Variants in ATP1A1 observed in about 807,000 individuals in gnomAD.
The protein encoded by ATP1A1 is ATPase Na+/K+ transporting subunit alpha 1, also known as sodium/potassium-transporting ATPase subunit alpha-1.
A neutral mutation model predicts 114.8 loss-of-function variants in ATP1A1; 14 were observed. The observed-to-expected ratio is 0.12, with a 90% CI of 0.08 to 0.19. The LOEUF (loss-of-function observed/expected upper bound fraction) is 0.19. Ranked by LOEUF, ATP1A1 falls within the 10% of genes least tolerant of loss-of-function variation. ATP1A1 has a pLI of 1.00. For missense variants in ATP1A1, 524 were observed against 1,290.7 expected, an observed-to-expected ratio of 0.41 and a Z score of 9.10; for synonymous variants, 471 against 466.3, an observed-to-expected ratio of 1.01 and a Z score of -0.13.
In ATP1A1 at chr1:116,387,137, G is replaced by A. The variant is rs1652155638; in HGVS notation, c.184-151G>A. 1.2e-6 allele frequency: 1 copy of A among 858,998 alleles called. No individual in the cohort carries two copies. Among genetic ancestry groups the A allele is most frequent in the Non-Finnish European group, 1.8e-6 (1 of 561,988 alleles). 53.2% of individuals were successfully genotyped at this position (858,998 alleles called of 1,614,324 possible). A position where few individuals can be genotyped will look rare whatever the true frequency, so the allele number is the denominator to read the frequency against. ...TGGCTCATCAGCAGAATTATTCATG[G>A]AGGAATTTGCTAGGTTTTACCTTGG... is the stretch of plus-strand genomic sequence containing the variant. On this transcript the variant is annotated intron_variant, in intron 3 of 22. Coordinates refer to ENST00000295598, the MANE Select transcript of ATP1A1 (RefSeq NM_000701.8). This position sits in a 1 kb window ranked among gnomAD's most constrained non-coding sequence, Gnocchi z 6.7.
Position 116,398,806 on chromosome 1 carries a change from G to A in ATP1A1, c.2293+17G>A. 6.2e-7 allele frequency: 1 copy of A among 1,613,334 alleles called. No homozygotes were observed. Among genetic ancestry groups the A allele is most frequent in the Non-Finnish European group, 8.5e-7 (1 of 1,179,430 alleles). ...TAGAGGAAGGTGAGAGCTATTTAAG[G>A]TGTACACCAAGATCTTATTCAGATA... is the stretch of plus-strand genomic sequence containing the variant. On this transcript the variant is annotated intron_variant, in intron 16 of 22. Transcript: ENST00000295598. This position sits in a 1 kb window ranked among gnomAD's most constrained non-coding sequence, Gnocchi z 6.1.
At chr1:116,392,232 T>A (rs1236280104) in intron 10 of ATP1A1, 1 of 152,258 alleles carries the variant, frequency 6.6e-6, no homozygotes, top group Non-Finnish European at 1.5e-5. Flanking sequence ...AAGCATGGGC[T>A]TTAACTAAAA....
Position 116,384,159 on chromosome 1 carries a change from A to G in ATP1A1, c.123+35A>G. 1 of 1,559,906 alleles carries G rather than the reference A, an allele frequency of 6.4e-7. No homozygotes were observed. Among genetic ancestry groups the G allele is most frequent in the Non-Finnish European group, 8.8e-7 (1 of 1,134,400 alleles). ...AGGAGGAATATTGTATTCCATCCTT[A>G]TTAAAAATCCATGATTTTTAATCCC... On this transcript the variant is annotated intron_variant, in intron 2 of 22. Coordinates refer to ENST00000295598, the MANE Select transcript of ATP1A1 (RefSeq NM_000701.8). This position sits in a 1 kb window ranked among gnomAD's most constrained non-coding sequence, Gnocchi z 5.1.
At chr1:116,402,842 C>T (rs1653619057) in intron 21 of ATP1A1, among the ~76,000 whole-genome samples, 1 of 152,200 alleles carries the variant, frequency 6.6e-6, no homozygotes, top group South Asian at 2.1e-4. Flanking sequence ...CTTGTCATTT[C>T]ACCTCCCTGC....
Position 116,385,488 on chromosome 1 carries a change from T to C in ATP1A1, c.183+646T>C, listed in dbSNP as rs905302596. ...GAATAACTTGAATAGCAAGCCAATA[T>C]GTAGCATTTTTTCAGTAAGGCATCA... On this transcript the variant is annotated intron_variant, in intron 3 of 22. Coordinates refer to ENST00000295598, the MANE Select transcript of ATP1A1 (RefSeq NM_000701.8). This position sits in a 1 kb window ranked among gnomAD's most constrained non-coding sequence, Gnocchi z 4.3. 6.5e-6 allele frequency: 1 copy of C among 153,120 alleles called. No individual in the cohort carries two copies. The highest frequency in any genetic ancestry group is 2.4e-5 in the African/African-American group (1 of 41,436). 9.5% of individuals were successfully genotyped at this position (153,120 alleles called of 1,614,324 possible). A position where few individuals can be genotyped will look rare whatever the true frequency, so the allele number is the denominator to read the frequency against.
Position 116,389,833 on chromosome 1 carries a change from G to A in ATP1A1, c.1023+126G>A. 7.4e-7 allele frequency: 1 copy of A among 1,349,830 alleles called. No individual in the cohort carries two copies. Among genetic ancestry groups the A allele is most frequent in the South Asian group, 1.5e-5 (1 of 68,854 alleles). 83.6% of individuals were successfully genotyped at this position (1,349,830 alleles called of 1,614,324 possible). On this transcript the variant is annotated intron_variant, in intron 8 of 22. Coordinates refer to ENST00000295598, the MANE Select transcript of ATP1A1 (RefSeq NM_000701.8). This position sits in a 1 kb window ranked among gnomAD's most constrained non-coding sequence, Gnocchi z 6.9. ...CTGGATGTTTGATATAGTTCTTCTT[G>A]AGAGCCACATCACGTGGTGAATTTT...
Position 116,392,956 on chromosome 1 carries a change from G to A in ATP1A1, c.1435G>A (p.Glu479Lys), listed in dbSNP as rs1652589909. 1.2e-6 allele frequency: 2 copies of A among 1,614,074 alleles called. No individual in the cohort carries two copies. Among genetic ancestry groups the A allele is most frequent in the Non-Finnish European group, 1.7e-6 (2 of 1,180,006 alleles). Reference protein sequence around the residue: ...EMRERYAKIVEIPFNSTNKYQ... With the variant: ...EMRERYAKIVKIPFNSTNKYQ... ...GAGAGAAAGATACGCCAAAATCGTC[G>A]AGATACCCTTCAACTCCACCAACAA... The change falls in exon 11 of 23, where the codon GAG becomes AAG. Residue 479 changes from glutamate (E) to lysine (K), a missense_variant. Physicochemically the swap from Glu to Lys is moderately conservative, Grantham distance 56 (BLOSUM62 1). Coordinates refer to ENST00000295598, the MANE Select transcript of ATP1A1 (RefSeq NM_000701.8).
rs1652871093 is a variant in ATP1A1, at chr1:116,395,863, T to C, written c.1836+578T>C. On this transcript the variant is annotated intron_variant, in intron 13 of 22. Coordinates refer to ENST00000295598, the MANE Select transcript of ATP1A1 (RefSeq NM_000701.8). The surrounding 1 kb of genome is among the most constrained non-coding windows in gnomAD (Gnocchi z 6.4). ...GCCTCCCAGGTTCAAGCAATTCTCC[T>C]GCCCCAGCCTCCCAAGTAGCTGGAA... Among the ~76,000 whole-genome samples, 3 of 152,198 alleles carry C rather than the reference T, an allele frequency of 2.0e-5. No homozygotes were observed. Among genetic ancestry groups the C allele is most frequent in the Admixed American group, 1.3e-4 (2 of 15,288 alleles).
Position 116,399,603 on chromosome 1 carries a change from C to A in ATP1A1, c.2572+60C>A. The A allele has an allele frequency of 6.2e-7, 1 of 1,603,162 alleles. No homozygotes were observed. The highest frequency in any genetic ancestry group is 1.1e-5 in the South Asian group (1 of 89,346). The stretch of plus-strand genomic sequence containing the variant: ...CTAAGGCATCTGAGGTGATGGTGTC[C>A]ACCTCAGGTTGAGGTTGATTTCAGA... On this transcript the variant is annotated intron_variant, in intron 18 of 22. Coordinates refer to ENST00000295598, the MANE Select transcript of ATP1A1 (RefSeq NM_000701.8). This position sits in a 1 kb window ranked among gnomAD's most constrained non-coding sequence, Gnocchi z 5.0.
chr1:116,390,075 T>G, intron 8 of ATP1A1, 138 bp from the exon 9 acceptor site: 2 of 917,832 alleles, frequency 2.2e-6, no homozygotes, highest in South Asian at 3.3e-5. Context: ...GGGTTCCCCT[T>G]ATTATTTCTT....
At chr1:116,400,187 G>C (rs760614920) in intron 18 of ATP1A1, among the ~76,000 whole-genome samples, 1 of 152,226 alleles carries the variant, frequency 6.6e-6, no homozygotes, top group African/African-American at 2.4e-5. Flanking sequence ...AACTGTGAAC[G>C]CTTGGATAAA....
rs767379314 is a variant in ATP1A1 at position 116,388,817 on chromosome 1, C to T, written c.636+45C>T. The stretch of plus-strand genomic sequence containing the variant: ...AAACCTCATAGCTAGCTCTGCTGTT[C>T]GGGCAGCTTGATTTGAGGGGTACAG... On this transcript the variant is annotated intron_variant, in intron 6 of 22. Coordinates refer to ENST00000295598, the MANE Select transcript of ATP1A1 (RefSeq NM_000701.8). This position sits in a 1 kb window ranked among gnomAD's most constrained non-coding sequence, Gnocchi z 5.6. 2.5e-6 allele frequency: 4 copies of T among 1,612,716 alleles called. No homozygotes were observed. The highest frequency in any genetic ancestry group is 1.7e-5 in the Admixed American group (1 of 59,930).
chr1:116,395,647 T>C lies in ATP1A1; in HGVS notation c.1836+362T>C, dbSNP rs1445216896. 2.6e-5 allele frequency among the ~76,000 whole-genome samples: 4 copies of C among 152,256 alleles called. No homozygotes were observed. The South Asian group carries it at 6.2e-4, about 24-fold the overall frequency. On this transcript the variant is annotated intron_variant, in intron 13 of 22. Transcript: ENST00000295598. This position sits in a 1 kb window ranked among gnomAD's most constrained non-coding sequence, Gnocchi z 6.4. ...AGTTAACTGTTTGTTAATGAGTGTT[T>C]GGTGTCCTCTGTGTATCTGTCTTTT...
At position 116,388,116 on chromosome 1, in the gene ATP1A1, T is replaced by A. The variant is rs774930763; in HGVS notation, c.388-15T>A. 1.3e-6 allele frequency: 2 copies of A among 1,584,906 alleles called. No homozygotes were observed. The highest frequency in any genetic ancestry group is 4.5e-5 in the East Asian group (2 of 44,346). On this transcript the variant is annotated splice_polypyrimidine_tract_variant and intron_variant, in intron 4 of 22. Transcript: ENST00000295598. This position sits in a 1 kb window ranked among gnomAD's most constrained non-coding sequence, Gnocchi z 5.6. ...GTGTAGAGCCACGGGCCCTAACTTG[T>A]CTTTTCCCTTCCAGCTGTACCTGGG...
chr1:116,400,120 A>G (rs61788054), intron 18 of ATP1A1, among the ~76,000 whole-genome samples: 12,769 of 152,294 alleles, frequency 0.084, 1,250 homozygotes, highest in African/African-American at 0.24. Context: ...GGTTCCTTCA[A>G]GAGAACCTGG....
intron 1 of ATP1A1, among the ~76,000 whole-genome samples, chr1:116,375,208 G>A (rs1417409853): frequency 1.3e-5 from 2 of 152,254 alleles, no homozygotes; most frequent in African/African-American, 2.4e-5. Flanking sequence ...AGCCTAGGAA[G>A]GTGAAGTGAC....
At position 116,383,901 on chromosome 1, in the gene ATP1A1, A is replaced by T. The variant is rs981064260; in HGVS notation, c.13-113A>T. On this transcript the variant is annotated intron_variant, in intron 1 of 22. Transcript: ENST00000295598. ...CATTTTCCTGACTATTATCTTAATG[A>T]CTATTCCAAATTATGACTACCTTAA... 1.1e-5 allele frequency: 9 copies of T among 833,314 alleles called. 1 individual carries two copies. The Admixed American group carries it at 2.0e-4, about 19-fold the overall frequency. 51.6% of individuals were successfully genotyped at this position (833,314 alleles called of 1,614,324 possible). A position where few individuals can be genotyped will look rare whatever the true frequency, so the allele number is the denominator to read the frequency against.
Position 116,389,527 on chromosome 1 carries a change from G to A in ATP1A1, c.843G>A (p.Gln281=). Residue 281 remains glutamine (Q), a synonymous_variant, in exon 8 of 23, where the codon CAG becomes CAA. Transcript: ENST00000295598. This position sits in a 1 kb window ranked among gnomAD's most constrained non-coding sequence, Gnocchi z 6.9. The part of the protein sequence containing the change: ...ATLASGLEGG[Q]TPIAAEIEHF... Reference sequence around the variant, plus strand: ...TTGCTTCTGGGCTGGAAGGAGGCCAGACCCCCATTGCTGCAGAAATTGAAC... The same window carrying A: ...TTGCTTCTGGGCTGGAAGGAGGCCAAACCCCCATTGCTGCAGAAATTGAAC... 6.2e-7 allele frequency: 1 copy of A among 1,614,210 alleles called. No homozygotes were observed. The highest frequency in any genetic ancestry group is 8.5e-7 in the Non-Finnish European group (1 of 1,180,042).
intron 1 of ATP1A1, among the ~76,000 whole-genome samples, chr1:116,374,449 ATC>A (rs766794341): frequency 1.3e-5 from 2 of 152,108 alleles, no homozygotes; most frequent in African/African-American, 2.4e-5. Context: ...GGTGGTAGGA[ATC>A]TCTGCCGGTT....
Sources: gnomAD v4.1 joint callset for allele counts (sites outside exome capture counted in the v4.1 genomes callset) on GRCh38, gnomAD v4.1.1 for gene constraint, Gnocchi (gnomAD v3.1) non-coding constraint, MANE v1.5 for transcripts, NCBI Gene and HGNC (gene_info 2026-07-23, HGNC 2026-07-21) for gene names.